The following PDE1C variants were observed in gnomAD, a reference collection of about 807,000 sequenced individuals.
PDE1C encodes dual specificity calcium/calmodulin-dependent 3',5'-cyclic nucleotide phosphodiesterase 1C.
Under a neutral mutation model 93.1 loss-of-function variants are expected in PDE1C, and 62 were observed. That is an observed-to-expected ratio of 0.67 (90% confidence interval 0.54 to 0.82). The LOEUF (loss-of-function observed/expected upper bound fraction) is 0.82. Among genes scored for constraint, PDE1C ranks in the 40% least tolerant of loss-of-function variants. The pLI, the probability that PDE1C is intolerant of heterozygous loss-of-function variation, is 0.00. For missense variants in PDE1C, 742 were observed against 884.6 expected (o/e 0.84, Z 2.04); for synonymous variants, 325 against 310.1 (o/e 1.05, Z -0.50).
the PDE1C span, among the ~76,000 whole-genome samples, chr7:31,632,613 C>G: frequency 6.6e-6 from 1 of 152,144 alleles, no homozygotes; most frequent in African/African-American, 2.4e-5. Flanking sequence ...TAACCCAACA[C>G]TGGGAACACA....
chr7:31,709,681 C>G, the PDE1C span, among the ~76,000 whole-genome samples: 1 of 152,032 alleles, frequency 6.6e-6, no homozygotes, highest in African/African-American at 2.4e-5. Flanking sequence ...CATAACCAAC[C>G]CTGGATATCA....
rs1361883746 is a variant in PDE1C at position 31,871,085 on chromosome 7, G to T, written c.609+2207C>A. ...AACCCATAAATAAATCCACGTATTT[G>T]CAGCTAACTGATTTTTGACAAAGGC... On this transcript the variant is annotated intron_variant, in intron 6 of 17. Transcript: ENST00000396191. Among the ~76,000 whole-genome samples the T allele has an allele frequency of 3.3e-5, 5 of 151,830 alleles. No homozygotes were observed. The East Asian group carries it at 7.7e-4, about 23-fold the overall frequency.
At chr7:31,686,304 C>T in the PDE1C span, among the ~76,000 whole-genome samples, 1 of 152,170 alleles carries the variant, frequency 6.6e-6, no homozygotes, top group Non-Finnish European at 1.5e-5. Context: ...GGGCTCTCCT[C>T]CAGTGAGCAG....
intron 3 of PDE1C, among the ~76,000 whole-genome samples, chr7:32,149,111 AT>A (rs1051795671): frequency 6.6e-6 from 1 of 152,168 alleles, no homozygotes; most frequent in African/African-American, 2.4e-5. Flanking sequence ...ATGTATGGAG[AT>A]TAAATTAAAC....
chr7:32,357,586 C>T (rs1056429798), intron 1 of PDE1C, among the ~76,000 whole-genome samples: 4 of 152,148 alleles, frequency 2.6e-5, no homozygotes, highest in African/African-American at 9.7e-5. Context: ...TAGAATTAGG[C>T]GGGCTAAACC....
intron 16 of PDE1C, among the ~76,000 whole-genome samples, chr7:31,806,532 G>A (rs931676149): frequency 6.6e-6 from 1 of 151,922 alleles, no homozygotes; most frequent in African/African-American, 2.4e-5. Context: ...AATTACTGCT[G>A]CAAGGTATGA....
At chr7:32,129,510 A>G (rs779743460) in intron 3 of PDE1C, among the ~76,000 whole-genome samples, 1 of 123,920 alleles carries the variant, frequency 8.1e-6, no homozygotes, top group Non-Finnish European at 1.6e-5. Context: ...GTAATAAAAA[A>G]TACATAATTT....
At chr7:31,948,551 G>C (rs539317015) in intron 2 of PDE1C, among the ~76,000 whole-genome samples, 1 of 152,310 alleles carries the variant, frequency 6.6e-6, no homozygotes, top group South Asian at 2.1e-4. Context: ...AGTACCAAGA[G>C]AAGGTATTCA....
At chr7:31,792,247 C>A (rs747819687) in intron 16 of PDE1C, among the ~76,000 whole-genome samples, 6 of 152,044 alleles carry the variant, frequency 3.9e-5, no homozygotes, top group Admixed American at 6.6e-5. Flanking sequence ...ATGTTCCAAC[C>A]CAGACTGCTG....
At chr7:32,406,169 G>A (rs544473324) in intron 1 of PDE1C, among the ~76,000 whole-genome samples, 1 of 152,178 alleles carries the variant, frequency 6.6e-6, no homozygotes, top group South Asian at 2.1e-4. Context: ...CTAGCACGTC[G>A]GTTTCATCTA....
At chr7:32,219,382 G>C (rs907182926) in intron 1 of PDE1C, among the ~76,000 whole-genome samples, 2 of 152,168 alleles carry the variant, frequency 1.3e-5, no homozygotes, top group Non-Finnish European at 2.9e-5. Context: ...TTTTTTATTG[G>C]AGGAGGGGAG....
chr7:31,621,703 G>A, the PDE1C span, among the ~76,000 whole-genome samples: 26 of 144,192 alleles, frequency 1.8e-4, no homozygotes, highest in East Asian at 3.0e-3. Flanking sequence ...ATCAACTAAC[G>A]AGCAAAATAA....
In PDE1C at chr7:32,204,466, T is replaced by C. The variant is rs1805267413; in HGVS notation, c.136+5023A>G. Among the ~76,000 whole-genome samples, 3 of 152,198 alleles carry C rather than the reference T, an allele frequency of 2.0e-5. No homozygotes were observed. The South Asian group carries it at 6.2e-4, about 31-fold the overall frequency. ...CCAGCCACAAGAGCTCTGTGGGCAC[T>C]GTCTCCCTCGCTCGGGCTCCTCCAA... On this transcript the variant is annotated intron_variant, in intron 2 of 18. Transcript: ENST00000396193.
In PDE1C at chr7:32,427,410, A is replaced by G. The variant is rs77421125; in HGVS notation, c.310+412T>C. Among the ~76,000 whole-genome samples, 680 of 152,302 alleles carry G rather than the reference A, an allele frequency of 4.5e-3. 7 individuals are homozygous for G. The highest frequency in any genetic ancestry group is 0.016 in the African/African-American group (659 of 41,564). On this transcript the variant is annotated intron_variant, in intron 1 of 1. Transcript: ENST00000672256. The stretch of plus-strand genomic sequence containing the variant: ...TACCCTAAAGGCAAGTCTTCCCCCA[A>G]CTGCACACCTCAAGTCCTTTCACAT...
intron 6 of PDE1C, among the ~76,000 whole-genome samples, chr7:31,872,992 C>T (rs1465722304): frequency 6.6e-6 from 1 of 152,130 alleles, no homozygotes; most frequent in African/African-American, 2.4e-5. Flanking sequence ...GAAATGAGAC[C>T]TTTGGGCAGA....
At chr7:31,946,701 C>G (rs1806661711) in intron 2 of PDE1C, among the ~76,000 whole-genome samples, 1 of 152,206 alleles carries the variant, frequency 6.6e-6, no homozygotes, top group Non-Finnish European at 1.5e-5. Context: ...GAGCTCGGAG[C>G]CTTCACAACC....
At chr7:31,868,809 T>C (rs1795598709) in intron 6 of PDE1C, among the ~76,000 whole-genome samples, 1 of 151,926 alleles carries the variant, frequency 6.6e-6, no homozygotes, top group African/African-American at 2.4e-5. Flanking sequence ...TGTAGTCACT[T>C]ATAAGGAAAC....
chr7:32,062,023 C>T (rs940702600), intron 1 of PDE1C, among the ~76,000 whole-genome samples: 3 of 152,108 alleles, frequency 2.0e-5, no homozygotes, highest in Non-Finnish European at 4.4e-5. Context: ...TCTCCAGACT[C>T]ACTTATCCAA....
At chr7:32,070,712 G>C, upstream of PDE1C, 1 of 1,192,898 alleles carries the variant, frequency 8.4e-7, no homozygotes, top group African/African-American at 1.6e-5. Flanking sequence ...AAGCACCTCG[G>C]GTCTATTCGT....
Sources: gnomAD v4.1 joint callset for allele counts (sites outside exome capture counted in the v4.1 genomes callset) on GRCh38, gnomAD v4.1.1 for gene constraint, MANE v1.5 for transcripts, NCBI Gene and HGNC (gene_info 2026-07-23, HGNC 2026-07-21) for gene names.